TAF2: variants seen among roughly 807,000 people sequenced by gnomAD.
The protein encoded by TAF2 is TATA-box binding protein associated factor 2.
TAF2 carries 61 observed loss-of-function variants against 138.5 expected under a neutral mutation model. The ratio of observed to expected loss-of-function variants is 0.44; its 90% confidence interval spans 0.36 to 0.54. The LOEUF is 0.54. TAF2 is among the 20% of genes least tolerant of loss of function. TAF2 has a pLI of 0.00. For missense variants in TAF2, 1,090 were observed against 1,427.9 expected (o/e 0.76, Z 3.81); for synonymous variants, 475 against 469.9 (o/e 1.01, Z -0.14).
chr8:119,832,782 G>T lies in TAF2; in HGVS notation c.-218C>A. 2.0e-6 allele frequency: 1 copy of T among 508,116 alleles called. No individual in the cohort carries two copies. Among genetic ancestry groups the T allele is most frequent in the Non-Finnish European group, 3.5e-6 (1 of 286,022 alleles). The allele number at this position is 508,116 out of a possible 1,614,324, so 31.5% of individuals were successfully genotyped here. A position where few individuals can be genotyped will look rare whatever the true frequency, so the allele number is the denominator to read the frequency against. ...GCCGTCGACAAGCTTCTGTCACAGA[G>T]ATGCTCCTCTCCGCAAGGGCTCGAA... On this transcript the variant is annotated 5_prime_UTR_variant, in exon 1 of 26. Transcript: ENST00000378164.
chr8:119,791,999 A>C (rs1282722393), intron 10 of TAF2: 1 of 152,902 alleles, frequency 6.5e-6, no homozygotes, highest in Non-Finnish European at 1.5e-5. Context: ...AAATTTAGAG[A>C]AAGATACAGT....
intron 18 of TAF2, among the ~76,000 whole-genome samples, chr8:119,765,952 C>T (rs1821391569): frequency 6.6e-6 from 1 of 152,138 alleles, no homozygotes; most frequent in South Asian, 2.1e-4. Flanking sequence ...CAAGATGACA[C>T]ACGTTTTTCA....
chr8:119,810,245 A>G (rs1824957593), intron 3 of TAF2, among the ~76,000 whole-genome samples: 1 of 152,176 alleles, frequency 6.6e-6, no homozygotes, highest in Non-Finnish European at 1.5e-5. Context: ...AATAAATGGA[A>G]TCACATAGAA....
At chr8:119,782,142 A>G (rs1276763728) in intron 16 of TAF2, among the ~76,000 whole-genome samples, 1 of 152,234 alleles carries the variant, frequency 6.6e-6, no homozygotes, top group Non-Finnish European at 1.5e-5. Flanking sequence ...TTTTAACCTT[A>G]TGAGACAGAA....
chr8:119,772,413 A>G (rs1044193648), intron 18 of TAF2, among the ~76,000 whole-genome samples: 1 of 152,212 alleles, frequency 6.6e-6, no homozygotes, highest in Non-Finnish European at 1.5e-5. Flanking sequence ...ACACATGGAC[A>G]TAAAGAAGGA....
intron 17 of TAF2, among the ~76,000 whole-genome samples, chr8:119,778,545 T>G (rs1167604628): frequency 1.3e-5 from 2 of 152,234 alleles, no homozygotes; most frequent in Admixed American, 6.5e-5. Flanking sequence ...TAAGCTCTAC[T>G]ACCTTCTGTG....
chr8:119,742,590 T>C lies in TAF2; in HGVS notation c.3281A>G (p.Asp1094Gly). 1.2e-6 allele frequency: 2 copies of C among 1,614,002 alleles called. No homozygotes were observed. The highest frequency in any genetic ancestry group is 8.5e-7 in the Non-Finnish European group (1 of 1,179,970). ...CTGGGGTTTTGTGGTGGGTGTGCTGTCACAGCCTGCTGAGTGCTGGGGTAT... is the reference window on the plus strand; with the variant it reads ...CTGGGGTTTTGTGGTGGGTGTGCTGCCACAGCCTGCTGAGTGCTGGGGTAT... ...ALIPQHSAGC[D>G]STPTTKPQWS... The change falls in exon 25 of 26, where the codon GAC (aspartate) becomes GGC (glycine). Residue 1094 changes from aspartate to glycine, a missense_variant. Coordinates refer to ENST00000378164, the MANE Select transcript of TAF2 (RefSeq NM_003184.4).
At chr8:119,830,470 T>G (rs1406980462) in intron 2 of TAF2, among the ~76,000 whole-genome samples, 2 of 152,216 alleles carry the variant, frequency 1.3e-5, no homozygotes, top group Non-Finnish European at 2.9e-5. Context: ...CTAGACTCCC[T>G]AATTCCCTTA....
chr8:119,826,539 T>C (rs1188529727), intron 2 of TAF2, among the ~76,000 whole-genome samples: 1 of 152,136 alleles, frequency 6.6e-6, no homozygotes, highest in Non-Finnish European at 1.5e-5. Context: ...TTACTTTCAG[T>C]TTTCAAGTTT....
At chr8:119,829,921 G>A (rs1206659453) in intron 2 of TAF2, among the ~76,000 whole-genome samples, 6 of 147,530 alleles carry the variant, frequency 4.1e-5, no homozygotes, top group African/African-American at 1.0e-4. Flanking sequence ...GTGCAGTGGC[G>A]CGATCTCGGC....
Position 119,788,787 on chromosome 8 carries a change from T to C in TAF2, c.1683+3A>G. On this transcript the variant is annotated splice_donor_region_variant and intron_variant, in intron 13 of 25. Coordinates refer to ENST00000378164, the MANE Select transcript of TAF2 (RefSeq NM_003184.4). The stretch of plus-strand genomic sequence containing the variant: ...ACAAAGGCGATTTTGGAAAAAGACT[T>C]ACCACGTATTTCTGAGTTCCAGGAG... The C allele has an allele frequency of 6.2e-7, 1 of 1,607,622 alleles. No individual in the cohort carries two copies. Among genetic ancestry groups the C allele is most frequent in the Non-Finnish European group, 8.5e-7 (1 of 1,174,128 alleles).
intron 2 of TAF2, among the ~76,000 whole-genome samples, chr8:119,825,608 A>C (rs1826043993): frequency 6.6e-6 from 1 of 152,112 alleles, no homozygotes; most frequent in African/African-American, 2.4e-5. Flanking sequence ...ACCCAGTGGG[A>C]GGTAACTGAA....
intron 16 of TAF2, among the ~76,000 whole-genome samples, chr8:119,783,008 GAC>G (rs35199230): frequency 0.27 from 40,380 of 150,272 alleles, 6,895 homozygotes; most frequent in African/African-American, 0.49. Context: ...CACACCCACA[GAC>G]ACACACACAC....
intron 3 of TAF2, among the ~76,000 whole-genome samples, chr8:119,816,568 T>A (rs1398664850): frequency 6.6e-6 from 1 of 152,222 alleles, no homozygotes; most frequent in Non-Finnish European, 1.5e-5. Context: ...GCTTTATTGG[T>A]TCATTAAAGA....
intron 18 of TAF2, chr8:119,767,119 A>G (rs1029258710): frequency 3.9e-5 from 6 of 152,220 alleles, no homozygotes; most frequent in Admixed American, 2.0e-4. Context: ...ATCAATTCTT[A>G]TAATGTGATT....
At chr8:119,747,911 C>G (rs367930767) in intron 22 of TAF2, among the ~76,000 whole-genome samples, 3 of 152,250 alleles carry the variant, frequency 2.0e-5, no homozygotes, top group East Asian at 3.9e-4. Context: ...ATCGCTTGAG[C>G]TCAGAAGTTC....
chr8:119,797,973 G>C (rs960483020), intron 6 of TAF2, 127 bp from the exon 7 acceptor site: 2 of 910,640 alleles, frequency 2.2e-6, no homozygotes, highest in Non-Finnish European at 3.3e-6. Context: ...TCAAGATGCT[G>C]AAAGAAAATG....
chr8:119,774,061 C>T (rs1229744824), intron 18 of TAF2, among the ~76,000 whole-genome samples: 1 of 151,384 alleles, frequency 6.6e-6, no homozygotes, highest in Non-Finnish European at 1.5e-5. Flanking sequence ...ATCCCAGCTA[C>T]TCGGGAGGCT....
At chr8:119,781,972 G>A (rs943638030) in intron 16 of TAF2, among the ~76,000 whole-genome samples, 4 of 152,172 alleles carry the variant, frequency 2.6e-5, no homozygotes, top group Non-Finnish European at 4.4e-5. Flanking sequence ...ACAGGCGTGA[G>A]CCACTGCACT....
Sources: gnomAD v4.1 joint callset for allele counts (sites outside exome capture counted in the v4.1 genomes callset) on GRCh38, gnomAD v4.1.1 for gene constraint, MANE v1.5 for transcripts, NCBI Gene and HGNC (gene_info 2026-07-23, HGNC 2026-07-21) for gene names.